SIK3: variants seen among roughly 807,000 people sequenced by gnomAD.
The protein encoded by SIK3 is serine/threonine-protein kinase SIK3.
Under a neutral mutation model 144.2 loss-of-function variants are expected in SIK3, and 28 were observed. The observed-to-expected ratio is 0.19, with a 90% CI of 0.14 to 0.27. The LOEUF (loss-of-function observed/expected upper bound fraction) is 0.27. Among genes scored for constraint, SIK3 ranks in the 10% least tolerant of loss-of-function variants. SIK3 has a pLI of 1.00. For synonymous variants in SIK3, 686 were observed against 676.3 expected, an observed-to-expected ratio of 1.01 and a Z score of -0.22; for missense variants, 1,319 against 1,776.0, an observed-to-expected ratio of 0.74 and a Z score of 4.62.
intron 1 of SIK3, among the ~76,000 whole-genome samples, chr11:117,062,760 C>A (rs983264606): frequency 3.3e-5 from 5 of 152,082 alleles, no homozygotes; most frequent in African/African-American, 1.2e-4. Context: ...AAAGTGCCAA[C>A]GGGAGGATTT....
intron 1 of SIK3, among the ~76,000 whole-genome samples, chr11:116,997,542 C>T (rs1359801883): frequency 1.3e-5 from 2 of 152,124 alleles, no homozygotes; most frequent in Non-Finnish European, 1.5e-5. Context: ...AAAATATACA[C>T]TATTAAAGAA....
At chr11:116,984,050 CAAAAAAAAAAAA>C (rs35403684) in intron 1 of SIK3, among the ~76,000 whole-genome samples, 11 of 80,898 alleles carry the variant, frequency 1.4e-4, no homozygotes, top group Non-Finnish European at 2.9e-4. Context: ...GACCCTGACT[CAAAAAAAAAAAA>C]AAAAAAAAAA....
chr11:116,873,684 C>T (rs752632393), intron 12 of SIK3, 48 bp from the exon 13 acceptor site: 34 of 1,509,890 alleles, frequency 2.3e-5, no homozygotes, highest in Middle Eastern at 1.9e-4. Flanking sequence ...GAGGGGAAGG[C>T]GGGGAGAAAG....
At chr11:117,015,986 G>T (rs1030715533) in intron 1 of SIK3, 1 of 151,896 alleles carries the variant, frequency 6.6e-6, no homozygotes, top group Non-Finnish European at 1.5e-5. Flanking sequence ...AATTTGACTG[G>T]CTTTTAAAAA....
At chr11:117,048,554 G>A (rs907914060) in intron 1 of SIK3, among the ~76,000 whole-genome samples, 9 of 152,208 alleles carry the variant, frequency 5.9e-5, no homozygotes, top group Non-Finnish European at 1.5e-5. Context: ...TACTCGGGAG[G>A]CCGAGGCAGG....
intron 3 of SIK3, among the ~76,000 whole-genome samples, chr11:116,942,930 G>T (rs1035746081): frequency 1.3e-5 from 2 of 152,162 alleles, no homozygotes; most frequent in African/African-American, 4.8e-5. Flanking sequence ...CTATAATCGG[G>T]GGGGAAGTCA....
At chr11:116,860,090 C>A (rs1185672017) in intron 19 of SIK3, among the ~76,000 whole-genome samples, 1 of 152,008 alleles carries the variant, frequency 6.6e-6, no homozygotes, top group Non-Finnish European at 1.5e-5. Context: ...ACTAAAAATA[C>A]AAAAATTAGC....
intron 1 of SIK3, among the ~76,000 whole-genome samples, chr11:116,974,302 G>A (rs374569028): frequency 1.4e-4 from 21 of 152,238 alleles, no homozygotes; most frequent in African/African-American, 4.3e-4. Context: ...TCTGCTTTCC[G>A]TCAGTTCAAG....
At chr11:117,041,239 C>G (rs1952731091) in intron 1 of SIK3, among the ~76,000 whole-genome samples, 1 of 152,026 alleles carries the variant, frequency 6.6e-6, no homozygotes. Context: ...AAAAAAATAG[C>G]AAAGCAAGTC....
rs1943350959 is a variant in SIK3 at position 116,861,901 on chromosome 11, G to A, written c.2255C>T (p.Ser752Phe). 6.2e-7 allele frequency: 1 copy of A among 1,611,484 alleles called. No individual in the cohort carries two copies. The highest frequency in any genetic ancestry group is 8.5e-7 in the Non-Finnish European group (1 of 1,178,980). Reference protein sequence around the residue: ...IQDSICPPQPSPPLQAACENQ... With the variant: ...IQDSICPPQPFPPLQAACENQ... Reference sequence around the variant, plus strand: ...TTCACATGCAGCCTGAAGAGGTGGAGATGGCTGAGGAGGACAGATAGAGTC... The same window carrying A: ...TTCACATGCAGCCTGAAGAGGTGGAAATGGCTGAGGAGGACAGATAGAGTC... The change falls in exon 18 of 25, where the codon TCT (serine) becomes TTT (phenylalanine). Residue 752 changes from serine to phenylalanine, a missense_variant. By Grantham distance (155) the Ser-to-Phe change is radical. Transcript: ENST00000445177.
At chr11:116,997,611 A>G (rs986611913) in intron 1 of SIK3, among the ~76,000 whole-genome samples, 10 of 152,250 alleles carry the variant, frequency 6.6e-5, no homozygotes, top group Non-Finnish European at 1.2e-4. Flanking sequence ...GGTAGCTTAC[A>G]TAAGTACAAC....
At chr11:117,090,648 C>T (rs1290403117) in intron 1 of SIK3, among the ~76,000 whole-genome samples, 1 of 152,190 alleles carries the variant, frequency 6.6e-6, no homozygotes, top group African/African-American at 2.4e-5. Context: ...GAGAAAACTA[C>T]GTAAGGCAGA....
At chr11:116,888,520 G>A (rs749025846) in intron 6 of SIK3, among the ~76,000 whole-genome samples, 71 of 152,302 alleles carry the variant, frequency 4.7e-4, no homozygotes, top group Non-Finnish European at 5.0e-4. Flanking sequence ...CTAAATAACC[G>A]ATGAATTCAT....
In SIK3 at chr11:116,844,630, ATATATTATAT is replaced by A. The variant is rs1244872040; in HGVS notation, c.*1003_*1012del. 2 of 34,878 alleles carry A rather than the reference ATATATTATAT, an allele frequency of 5.7e-5. No homozygotes were observed. Among genetic ancestry groups the A allele is most frequent in the Non-Finnish European group, 1.1e-4 (2 of 18,518 alleles). The allele number at this position is 34,878 out of a possible 1,614,324, so 2.2% of individuals were successfully genotyped here. A position where few individuals can be genotyped will look rare whatever the true frequency, so the allele number is the denominator to read the frequency against. ...ATATTATATATATAATATATATATA[ATATATTATAT>A]TATATATTATATATATAATATATAT... On this transcript the variant is annotated 3_prime_UTR_variant, in exon 25 of 25. Transcript: ENST00000445177.
intron 3 of SIK3, among the ~76,000 whole-genome samples, chr11:116,953,200 C>T (rs769084839): frequency 6.6e-6 from 1 of 151,978 alleles, no homozygotes; most frequent in East Asian, 1.9e-4. Flanking sequence ...TACATTTTAT[C>T]GTGCAGGAAG....
chr11:117,031,555 CTT>C lies in SIK3; in HGVS notation c.273+66586_273+66587del, dbSNP rs1033986832. The stretch of plus-strand genomic sequence containing the variant: ...TATTTATTTGAGACAGAGTTTTGCT[CTT>C]GTTTCCCAGGCTGGAGTGCAATGGC... On this transcript the variant is annotated intron_variant, in intron 1 of 24. Transcript: ENST00000445177. Among the ~76,000 whole-genome samples the C allele has an allele frequency of 2.8e-4, 42 of 150,542 alleles. 1 individual carries two copies. The highest frequency in any genetic ancestry group is 2.1e-4 in the Non-Finnish European group (14 of 67,570).
intron 1 of SIK3, among the ~76,000 whole-genome samples, chr11:116,961,958 T>A (rs567271548): frequency 2.5e-4 from 38 of 152,308 alleles, no homozygotes; most frequent in African/African-American, 8.9e-4. Flanking sequence ...AGAGGAAAAA[T>A]TACTATTTCT....
chr11:117,019,105 C>T (rs1376455622), intron 1 of SIK3, among the ~76,000 whole-genome samples: 1 of 151,800 alleles, frequency 6.6e-6, no homozygotes, highest in African/African-American at 2.4e-5. Context: ...CTGCAACCTC[C>T]ACCTCCCGGG....
At chr11:117,019,905 GA>G (rs981277031) in intron 1 of SIK3, among the ~76,000 whole-genome samples, 6 of 151,320 alleles carry the variant, frequency 4.0e-5, no homozygotes, top group African/African-American at 1.5e-4. Context: ...TAAAAAAAAA[GA>G]AAAAAAGGAA....
Sources: allele counts gnomAD v4.1 joint callset (sites outside exome capture counted in the v4.1 genomes callset), GRCh38; gene constraint gnomAD v4.1.1; transcripts MANE v1.5; gene names NCBI Gene and HGNC (gene_info 2026-07-23, HGNC 2026-07-21).